GK: variants seen among roughly 807,000 people sequenced by gnomAD.
The protein encoded by GK is glycerol kinase.
GK carries 9 observed loss-of-function variants against 56.4 expected under a neutral mutation model. The ratio of observed to expected loss-of-function variants is 0.16; its 90% confidence interval spans 0.10 to 0.28. The LOEUF (loss-of-function observed/expected upper bound fraction) is 0.28. Ranked by LOEUF, GK falls within the 10% of genes least tolerant of loss-of-function variation. The pLI is 1.00. For missense variants in GK, 161 were observed against 431.4 expected, an observed-to-expected ratio of 0.37 and a Z score of 5.55; for synonymous variants, 104 against 144.1, an observed-to-expected ratio of 0.72 and a Z score of 1.99.
chrX:30,696,549 A>G, intron 7 of GK, 68 bp from the exon 8 acceptor site: 1 of 764,442 alleles, frequency 1.3e-6, no homozygotes, highest in Non-Finnish European at 2.0e-6. Flanking sequence ...TTTGCATTTA[A>G]ATACATATAA....
In GK at chrX:30,724,200, A is replaced by T. The variant is rs1182611198; in HGVS notation, c.1582+19A>T. ...GAAAGTGGTAAAAATGTTTTTGTTT[A>T]TTATTGTCACATTTTCTTAGTATAT... On this transcript the variant is annotated intron_variant, in intron 19 of 20. Transcript: ENST00000427190. 2.0e-6 allele frequency: 2 copies of T among 987,633 alleles called. No individual in the cohort carries two copies. Among genetic ancestry groups the T allele is most frequent in the Non-Finnish European group, 2.9e-6 (2 of 695,242 alleles). The allele number at this position is 987,633 out of a possible 1,213,427, so 81.4% of individuals were successfully genotyped here.
intron 18 of GK, among the ~76,000 whole-genome samples, chrX:30,722,787 AG>A (rs1355585515): frequency 5.5e-5 from 6 of 110,064 alleles, no homozygotes; most frequent in Non-Finnish European, 1.1e-4. Flanking sequence ...GTGAAGAGAG[AG>A]GGGGGGATAG....
intron 1 of GK, among the ~76,000 whole-genome samples, chrX:30,663,384 G>A (rs754555070): frequency 1.8e-5 from 2 of 111,559 alleles, no homozygotes; most frequent in African/African-American, 6.5e-5. Flanking sequence ...TACTTATTGA[G>A]CACCAACTTT....
chrX:30,660,792 A>ATTTT (rs369296212), intron 1 of GK, among the ~76,000 whole-genome samples: 1 of 90,144 alleles, frequency 1.1e-5, no homozygotes. Context: ...CTGAGAACAG[A>ATTTT]TTTTTTTTTT....
At position 30,720,976 on chromosome X, in the gene GK, A is replaced by G. The variant is rs769455189; in HGVS notation, c.1482A>G (p.Glu494=). ...DLSAVTMERF[E]PQINAEESEI... ...CTGCCGTCACGATGGAGCGGTTTGA[A>G]CCTCAGATTAATGCGGAGGGTACAT... Residue 494 remains glutamate, a synonymous_variant, in exon 18 of 21, where the codon GAA becomes GAG. Transcript: ENST00000427190. The G allele has an allele frequency of 9.9e-6, 12 of 1,210,414 alleles. No individual in the cohort carries two copies. Among genetic ancestry groups the G allele is most frequent in the Non-Finnish European group, 1.2e-5 (11 of 894,399 alleles).
At chrX:30,695,530 AC>A (rs1293920379) in intron 6 of GK, among the ~76,000 whole-genome samples, 1 of 112,527 alleles carries the variant, frequency 8.9e-6, no homozygotes, top group African/African-American at 3.2e-5. Context: ...ATGTGGGTAC[AC>A]CTGAGAAAGA....
At chrX:30,719,571 G>A (rs1406873715) in intron 15 of GK, 56 bp downstream of exon 15, 25 of 656,564 alleles carry the variant, frequency 3.8e-5, no homozygotes, top group East Asian at 1.9e-4. Flanking sequence ...TACCAAAGTC[G>A]TTAATAACTT....
intron 1 of GK, among the ~76,000 whole-genome samples, chrX:30,661,742 C>T (rs1932764864): frequency 8.9e-6 from 1 of 111,990 alleles, no homozygotes; most frequent in South Asian, 3.7e-4. Context: ...CCACTGCACT[C>T]CAGCCTGGGT....
At chrX:30,679,779 T>A in intron 4 of GK, among the ~76,000 whole-genome samples, 1 of 111,962 alleles carries the variant, frequency 8.9e-6, no homozygotes, top group African/African-American at 3.2e-5. Context: ...TTTGAGAACC[T>A]CTTACATGTT....
chrX:30,692,995 A>ATTTTCTTTTTC (rs1935048528), intron 5 of GK, among the ~76,000 whole-genome samples: 1 of 61,447 alleles, frequency 1.6e-5, no homozygotes, highest in Non-Finnish European at 3.3e-5. Flanking sequence ...TTGTGTATGT[A>ATTTTCTTTTTC]TTTTCTTTTT....
chrX:30,667,167 A>C (rs898113753), intron 2 of GK, among the ~76,000 whole-genome samples: 16 of 111,142 alleles, frequency 1.4e-4, no homozygotes, highest in African/African-American at 5.2e-4. Context: ...AAAAATAAAA[A>C]TTAAAAAATT....
intron 7 of GK, among the ~76,000 whole-genome samples, 153 bp downstream of exon 7, chrX:30,696,304 A>G (rs1204082727): frequency 8.9e-6 from 1 of 112,266 alleles, no homozygotes; most frequent in Non-Finnish European, 1.9e-5. Context: ...TTTTTTAAAG[A>G]GAGACTATTA....
intron 1 of GK, among the ~76,000 whole-genome samples, chrX:30,656,660 C>T (rs1295255533): frequency 9.0e-6 from 1 of 111,338 alleles, no homozygotes; most frequent in Non-Finnish European, 1.9e-5. Context: ...TTACCTTCCC[C>T]CTTGTATTAT....
chrX:30,680,769 A>G, intron 4 of GK, among the ~76,000 whole-genome samples: 1 of 111,634 alleles, frequency 9.0e-6, no homozygotes, highest in Non-Finnish European at 1.9e-5. Flanking sequence ...GCAGGTCCAT[A>G]AAGATAAGGA....
At chrX:30,681,769 A>T (rs1461832016) in intron 4 of GK, among the ~76,000 whole-genome samples, 1 of 112,191 alleles carries the variant, frequency 8.9e-6, no homozygotes, top group East Asian at 2.8e-4. Context: ...GAAACAAAGG[A>T]AGTCAGAATG....
At chrX:30,704,131 T>TATATATATATATATAG (rs1388923260) in intron 11 of GK, among the ~76,000 whole-genome samples, 70 of 91,330 alleles carry the variant, frequency 7.7e-4, no homozygotes, top group Non-Finnish European at 1.2e-3. Context: ...ATTCATTTTA[T>TATATATATATATATAG]ATATATATAT....
chrX:30,681,878 T>C (rs1331260786), intron 4 of GK, among the ~76,000 whole-genome samples: 1 of 111,773 alleles, frequency 8.9e-6, no homozygotes, highest in Non-Finnish European at 1.9e-5. Context: ...TGAAATATAC[T>C]AGGAGTTGGT....
In GK at chrX:30,725,750, C is replaced by G. The variant is rs758559619; in HGVS notation, c.1582+1569C>G. Among the ~76,000 whole-genome samples, 24 of 111,171 alleles carry G rather than the reference C, an allele frequency of 2.2e-4. 1 individual carries two copies. Among genetic ancestry groups the G allele is most frequent in the African/African-American group, 7.8e-4 (24 of 30,582 alleles). On this transcript the variant is annotated intron_variant, in intron 19 of 20. Coordinates refer to ENST00000427190, the MANE Select transcript of GK (RefSeq NM_001205019.2). ...CACTGCAACCTCTGCCCTCCGAGTT[C>G]AAGCGATTCTCCTGCCTCAGCCTCC...
chrX:30,717,180 G>A (rs1045980665), intron 13 of GK, among the ~76,000 whole-genome samples: 1 of 110,904 alleles, frequency 9.0e-6, no homozygotes, highest in Non-Finnish European at 1.9e-5. Flanking sequence ...ATTACCTGAC[G>A]TTTGGTTTGG....
Sources: gnomAD v4.1 joint callset for allele counts (sites outside exome capture counted in the v4.1 genomes callset) on GRCh38, gnomAD v4.1.1 for gene constraint, MANE v1.5 for transcripts, NCBI Gene and HGNC (gene_info 2026-07-23, HGNC 2026-07-21) for gene names.